Variants in PRKDC observed in about 807,000 individuals in gnomAD.
PRKDC encodes protein kinase, DNA-activated, catalytic subunit, also known as DNA-dependent protein kinase catalytic subunit.
In PRKDC, 82 loss-of-function variants were observed where a neutral mutation model predicts 486.9. The observed-to-expected ratio is 0.17, with a 90% CI of 0.14 to 0.20. The LOEUF (loss-of-function observed/expected upper bound fraction) is 0.20, where lower values mean the gene tolerates loss of function less well. PRKDC is among the 10% of genes least tolerant of loss of function. The pLI is 1.00. For missense variants in PRKDC, 4,504 were observed against 5,038.2 expected (o/e 0.89, Z 3.21); for synonymous variants, 1,895 against 1,837.0 (o/e 1.03, Z -0.81).
At chr8:47,855,045 G>C (rs549999421) in intron 50 of PRKDC, among the ~76,000 whole-genome samples, 177 bp downstream of exon 50, 2 of 152,316 alleles carry the variant, frequency 1.3e-5, no homozygotes, top group East Asian at 1.9e-4. Context: ...GGCCACTGGA[G>C]GGTGCGAGAC....
chr8:47,802,143 C>T (rs951937797), intron 70 of PRKDC, among the ~76,000 whole-genome samples: 2 of 152,186 alleles, frequency 1.3e-5, no homozygotes, highest in African/African-American at 4.8e-5. Context: ...CAGGCACAAT[C>T]ATGGCTCACT....
chr8:47,959,909 C>T, intron 1 of PRKDC, 64 bp downstream of exon 1: 1 of 1,515,324 alleles, frequency 6.6e-7, no homozygotes, highest in Non-Finnish European at 8.8e-7. Context: ...CGCCGGGCTG[C>T]CCGGCTCCAG....
chr8:47,925,932 G>A (rs1361607683), intron 21 of PRKDC, among the ~76,000 whole-genome samples: 1 of 152,144 alleles, frequency 6.6e-6, no homozygotes, highest in African/African-American at 2.4e-5. Flanking sequence ...ACTAACTTCT[G>A]TCTCTAACAT....
At position 47,783,688 on chromosome 8, in the gene PRKDC, C is replaced by A. The variant is rs185113395; in HGVS notation, c.11175+54G>T. On this transcript the variant is annotated intron_variant, in intron 78 of 85. Transcript: ENST00000314191. The stretch of plus-strand genomic sequence containing the variant: ...ATACTAAAGGCAAACAGATCATTCT[C>A]ATCTGAAGAACGTTCATCAGGACAG... 8,412 of 1,546,016 alleles carry A rather than the reference C, an allele frequency of 5.4e-3. 38 individuals carry two copies. Among genetic ancestry groups the A allele is most frequent in the South Asian group, 6.1e-3 (549 of 89,576 alleles).
intron 68 of PRKDC, among the ~76,000 whole-genome samples, chr8:47,810,070 T>C (rs1043742334): frequency 6.6e-6 from 1 of 152,182 alleles, no homozygotes; most frequent in African/African-American, 2.4e-5. Context: ...GAAGTGTGCA[T>C]GTGCAGACAG....
intron 9 of PRKDC, 142 bp downstream of exon 9, chr8:47,943,711 G>A (rs1050275126): frequency 2.9e-5 from 23 of 795,964 alleles, no homozygotes; most frequent in Admixed American, 1.4e-4. Context: ...CTAAGTCACC[G>A]AAAGCCTCCC....
At chr8:47,938,705 G>A (rs956074099) in intron 11 of PRKDC, among the ~76,000 whole-genome samples, 1 of 152,036 alleles carries the variant, frequency 6.6e-6, no homozygotes, top group Admixed American at 6.6e-5. Flanking sequence ...GGGATTACAG[G>A]TATGTGCTAC....
intron 57 of PRKDC, among the ~76,000 whole-genome samples, chr8:47,836,868 G>A (rs1589731609): frequency 6.6e-6 from 1 of 152,362 alleles, no homozygotes; most frequent in African/African-American, 2.4e-5. Flanking sequence ...CTGAGCTTGT[G>A]AGTGGGACAG....
intron 84 of PRKDC, among the ~76,000 whole-genome samples, chr8:47,777,287 C>A (rs549278804): frequency 6.6e-6 from 1 of 152,124 alleles, no homozygotes; most frequent in South Asian, 2.1e-4. Context: ...CGGCTCACTG[C>A]AACCTCTGCC....
rs563003501 is a variant in PRKDC at position 47,930,867 on chromosome 8, A to G, written c.1777-80T>C. 1.7e-5 allele frequency: 23 copies of G among 1,336,354 alleles called. No homozygotes were observed. The African/African-American group carries it at 3.0e-4, about 17-fold the overall frequency. The allele number at this position is 1,336,354 out of a possible 1,614,324, so 82.8% of individuals were successfully genotyped here. Reference sequence around the variant, plus strand: ...AACAAATAACTTTCCAACTGACTTCATGGTCAAGGCCTGATGCTACGAAGA... The same window carrying G: ...AACAAATAACTTTCCAACTGACTTCGTGGTCAAGGCCTGATGCTACGAAGA... On this transcript the variant is annotated intron_variant, in intron 16 of 85. Coordinates refer to ENST00000314191, the MANE Select transcript of PRKDC (RefSeq NM_006904.7).
Position 47,887,630 on chromosome 8 carries a change from T to C in PRKDC, c.4489A>G (p.Arg1497Gly). The C allele has an allele frequency of 6.2e-7, 1 of 1,607,386 alleles. No homozygotes were observed. Among genetic ancestry groups the C allele is most frequent in the Non-Finnish European group, 8.5e-7 (1 of 1,176,970 alleles). ...VYKGIAPGDE[R>G]QCLPSLDLSC... is the part of the protein sequence containing the mutation. Reference sequence around the variant, plus strand: ...AGGTCTAGAGAAGGCAGACACTGTCTCTCATCTCCAGGGGCAATGCCTTTA... The same window carrying C: ...AGGTCTAGAGAAGGCAGACACTGTCCCTCATCTCCAGGGGCAATGCCTTTA... Residue 1497 changes from arginine to glycine, a missense_variant, in exon 35 of 86, where the codon AGA becomes GGA. Around this residue, in one of 6 missense-constraint regions of PRKDC, gnomAD observed 1,969 missense variants for 2,068.9 expected, o/e 0.95. Transcript: ENST00000314191.
intron 16 of PRKDC, among the ~76,000 whole-genome samples, chr8:47,932,068 ATT>A (rs1491129303): frequency 5.7e-5 from 7 of 123,320 alleles, no homozygotes; most frequent in Admixed American, 8.4e-5. Context: ...TTTTTTTTGT[ATT>A]TTGTTTGTTT....
intron 30 of PRKDC, among the ~76,000 whole-genome samples, chr8:47,896,023 A>G (rs1483093406): frequency 6.6e-6 from 1 of 152,042 alleles, no homozygotes; most frequent in African/African-American, 2.4e-5. Flanking sequence ...CAGGCGACAG[A>G]GCAAGACTCT....
chr8:47,804,779 T>G (rs2087184890), intron 69 of PRKDC, among the ~76,000 whole-genome samples: 1 of 152,084 alleles, frequency 6.6e-6, no homozygotes, highest in Admixed American at 6.5e-5. Flanking sequence ...GTTTTGTTTT[T>G]GAGGCAAAGT....
In PRKDC at chr8:47,890,238, A is replaced by G; in HGVS notation, c.4071+19T>C. 1 of 1,578,656 alleles carries G rather than the reference A, an allele frequency of 6.3e-7. No individual in the cohort carries two copies. On this transcript the variant is annotated intron_variant, in intron 32 of 85. Coordinates refer to ENST00000314191, the MANE Select transcript of PRKDC (RefSeq NM_006904.7). ...TTTCCAGTACCAAAAACTGACCTCA[A>G]ATTAACAGAGCAGCCTACCTTCCAT...
At chr8:47,795,642 C>T (rs1013551639) in intron 73 of PRKDC, among the ~76,000 whole-genome samples, 12 of 151,588 alleles carry the variant, frequency 7.9e-5, no homozygotes, top group Admixed American at 1.3e-4. Context: ...TACAAACACT[C>T]GTCACCATAC....
rs879732716 is a variant in PRKDC at position 47,923,066 on chromosome 8, C to CT, written c.2419+4127dup. Among the ~76,000 whole-genome samples, 985 of 140,998 alleles carry CT rather than the reference C, an allele frequency of 7.0e-3. 10 individuals carry two copies. The highest frequency in any genetic ancestry group is 0.042 in the South Asian group (184 of 4,412). The allele number at this position is 140,998 out of a possible 152,430, so 92.5% of individuals were successfully genotyped here. A position where few individuals can be genotyped will look rare whatever the true frequency, so the allele number is the denominator to read the frequency against. On this transcript the variant is annotated intron_variant, in intron 21 of 85. Transcript: ENST00000314191. ...TTTGCCTGTACCATGAGAAGTCATT[C>CT]TTTTTTTTTTTTTTTGAGATGAAGT...
In PRKDC at chr8:47,896,658, A is replaced by C. The variant is rs535816575; in HGVS notation, c.3598+503T>G. Among the ~76,000 whole-genome samples, 12 of 151,978 alleles carry C rather than the reference A, an allele frequency of 7.9e-5. No homozygotes were observed. The East Asian group carries it at 1.2e-3, about 15-fold the overall frequency. ...CGAGACTCCGTCTCAAAAAAAAAAA[A>C]AAAAAAACTCCACCCCAACTTTTGC... On this transcript the variant is annotated intron_variant, in intron 30 of 85. Transcript: ENST00000314191.
At position 47,857,223 on chromosome 8, in the gene PRKDC, C is replaced by T; in HGVS notation, c.6542G>A (p.Gly2181Glu). The T allele has an allele frequency of 6.2e-7, 1 of 1,614,006 alleles. No individual in the cohort carries two copies. Among genetic ancestry groups the T allele is most frequent in the Non-Finnish European group, 8.5e-7 (1 of 1,179,882 alleles). ...TATCTCAACCACCATGTAGTGAATT[C>T]CTTCTCCTCCATTGTTTTCAGAAGC... is the stretch of plus-strand genomic sequence containing the variant. ...LAASENNGGEGIHYMVVEIVA... is the reference protein window; with the variant it reads ...LAASENNGGEEIHYMVVEIVA... Residue 2181 changes from glycine (G) to glutamate (E), a missense_variant, in exon 49 of 86, where the codon GGA becomes GAA. Gly to Glu is a moderately conservative substitution (Grantham distance 98). Transcript: ENST00000314191.
Sources: gnomAD v4.1 joint callset for allele counts (sites outside exome capture counted in the v4.1 genomes callset) on GRCh38, gnomAD v4.1.1 for gene constraint, gnomAD v4.1.1 regional missense constraint, MANE v1.5 for transcripts, NCBI Gene and HGNC (gene_info 2026-07-23, HGNC 2026-07-21) for gene names.